Variants in CTCFL observed in about 807,000 individuals in gnomAD.
CTCFL encodes CCCTC-binding factor like.
A neutral mutation model predicts 67.4 loss-of-function variants in CTCFL; 36 were observed. The observed-to-expected ratio is 0.53, with a 90% CI of 0.41 to 0.71. The LOEUF (loss-of-function observed/expected upper bound fraction) is 0.71. CTCFL is among the 30% of genes least tolerant of loss of function. The pLI, the probability that CTCFL is intolerant of heterozygous loss-of-function variation, is 0.00. For synonymous variants in CTCFL, 324 were observed against 302.3 expected, an observed-to-expected ratio of 1.07 and a Z score of -0.75; for missense variants, 786 against 835.2, an observed-to-expected ratio of 0.94 and a Z score of 0.73.
intron 3 of CTCFL, 33 bp from the exon 4 acceptor site, chr20:57,519,410 GA>G (rs751104402): frequency 3.4e-5 from 54 of 1,589,178 alleles, no homozygotes; most frequent in Non-Finnish European, 4.3e-6. Flanking sequence ...GTATTTGTTA[GA>G]GGTTCAAATT....
intron 5 of CTCFL, among the ~76,000 whole-genome samples, chr20:57,517,577 C>A (rs1479494693): frequency 6.6e-6 from 1 of 152,012 alleles, no homozygotes; most frequent in African/African-American, 2.4e-5. Context: ...CGCGCCCGGC[C>A]AATTCAAAAG....
intron 5 of CTCFL, 110 bp from the exon 6 acceptor site, chr20:57,515,944 A>C (rs1367858001): frequency 8.2e-7 from 1 of 1,215,544 alleles, no homozygotes; most frequent in Non-Finnish European, 1.1e-6. Context: ...TTAACATCAG[A>C]GCACCAGAGC....
chr20:57,512,539 C>A, intron 8 of CTCFL, 53 bp downstream of exon 8: 2 of 1,563,406 alleles, frequency 1.3e-6, no homozygotes, highest in Non-Finnish European at 1.8e-6. Flanking sequence ...TCCCACCCAG[C>A]CCTCCATTCT....
chr20:57,518,609 A>T (rs2146418526), intron 5 of CTCFL, 149 bp downstream of exon 5: 1 of 1,528,184 alleles, frequency 6.5e-7, no homozygotes, highest in Middle Eastern at 1.8e-4. Context: ...ACTTCATAAA[A>T]GAGAATGCAT....
chr20:57,510,310 C>T (rs1294980043), intron 8 of CTCFL, among the ~76,000 whole-genome samples: 1 of 152,060 alleles, frequency 6.6e-6, no homozygotes, highest in Non-Finnish European at 1.5e-5. Flanking sequence ...AGAAAGCAAA[C>T]CTGGGGAATT....
chr20:57,501,729 C>T (rs776822692), intron 10 of CTCFL, among the ~76,000 whole-genome samples: 3 of 152,042 alleles, frequency 2.0e-5, no homozygotes. Context: ...ACAGGAATGC[C>T]GGGGCAGCGG....
At chr20:57,508,190 G>C (rs1361849532) in intron 9 of CTCFL, among the ~76,000 whole-genome samples, 1 of 152,108 alleles carries the variant, frequency 6.6e-6, no homozygotes, top group Non-Finnish European at 1.5e-5. Context: ...TCCCACCTTG[G>C]CCTCTCAAGT....
intron 9 of CTCFL, among the ~76,000 whole-genome samples, chr20:57,505,552 G>A (rs1330897005): frequency 2.6e-5 from 4 of 152,172 alleles, no homozygotes; most frequent in Admixed American, 1.3e-4. Context: ...CACCGCGCCC[G>A]GCCTTAAAAT....
At chr20:57,522,960 T>C (rs2069498549) in intron 3 of CTCFL, 108 bp downstream of exon 3, 3 of 850,816 alleles carry the variant, frequency 3.5e-6, no homozygotes, top group Non-Finnish European at 5.6e-6. Context: ...TCCTGACATT[T>C]TGAAAGTAAA....
At chr20:57,503,328 A>G (rs1600638850) in intron 10 of CTCFL, 108 bp downstream of exon 10, 2 of 1,328,386 alleles carry the variant, frequency 1.5e-6, no homozygotes, top group East Asian at 2.3e-5. Context: ...ACTGGTGGAC[A>G]AATAGGGGCT....
rs745657440 is a variant in CTCFL at position 57,514,613 on chromosome 20, T to C, written c.1309A>G (p.Ile437Val). The C allele has an allele frequency of 3.7e-6, 6 of 1,614,150 alleles. No individual in the cohort carries two copies. The highest frequency in any genetic ancestry group is 5.1e-6 in the Non-Finnish European group (6 of 1,180,014). ...KYQCPHCATI[I>V]ARKSDLRVHM... ...TCACGTAGGTCGCTTTTCCGTGCAA[T>C]GATGGTGGCACAATGGGGACACTGG... The change falls in exon 7 of 11, where the codon ATT becomes GTT. Residue 437 changes from isoleucine (I) to valine (V), a missense_variant. Coordinates refer to ENST00000243914, the MANE Select transcript of CTCFL (RefSeq NM_001386993.1).
chr20:57,523,185 C>T lies in CTCFL; in HGVS notation c.637G>A (p.Asp213Asn). 6.2e-7 allele frequency: 1 copy of T among 1,614,002 alleles called. No homozygotes were observed. Among genetic ancestry groups the T allele is most frequent in the Non-Finnish European group, 8.5e-7 (1 of 1,179,984 alleles). ...TTTGAAACTGTGAGAACAATTTCGT[C>T]ACTTCTTTCATCTCCTGACATTGTT... Reference protein sequence around the residue: ...VETMSGDERSDEIVLTVSNSN... With the variant: ...VETMSGDERSNEIVLTVSNSN... Residue 213 changes from aspartate to asparagine, a missense_variant, in exon 3 of 11, where the codon GAC becomes AAC. Asp to Asn is a conservative substitution (Grantham distance 23). Around this residue, in one of 3 missense-constraint regions of CTCFL, gnomAD observed 333 missense variants for 304.6 expected, o/e 1.09. Transcript: ENST00000243914.
At chr20:57,497,137 T>G, downstream of CTCFL, 1 of 591,510 alleles carries the variant, frequency 1.7e-6, no homozygotes, top group Non-Finnish European at 2.1e-6. Flanking sequence ...AAGATGTTTT[T>G]AAAGACCAAT....
At chr20:57,509,836 G>A (rs1332732747) in intron 8 of CTCFL, among the ~76,000 whole-genome samples, 1 of 152,084 alleles carries the variant, frequency 6.6e-6, no homozygotes, top group Non-Finnish European at 1.5e-5. Flanking sequence ...GGCGCTCCCT[G>A]CTGGGAGCCT....
downstream of CTCFL, chr20:57,496,360 C>A (rs62204255): frequency 0.1 from 62,592 of 622,496 alleles, 3,938 homozygotes; most frequent in South Asian, 0.19. Context: ...GTACAGCCTG[C>A]GGAACTATGA....
At chr20:57,512,534 C>T (rs1415794254) in intron 8 of CTCFL, 58 bp downstream of exon 8, 2 of 1,554,664 alleles carry the variant, frequency 1.3e-6, no homozygotes, top group Non-Finnish European at 1.8e-6. Context: ...GAGAATCCCA[C>T]CCAGCCCTCC....
Position 57,513,660 on chromosome 20 carries a change from A to G in CTCFL, c.1331-908T>C. On this transcript the variant is annotated intron_variant, in intron 7 of 10. Transcript: ENST00000243914. ...TGATGTGCTGGTATCTACGGCAACAATGACAGAATGGTCCAGATGAAAAAT... is the reference window on the plus strand; with the variant it reads ...TGATGTGCTGGTATCTACGGCAACAGTGACAGAATGGTCCAGATGAAAAAT... The G allele has an allele frequency of 4.2e-6, 5 of 1,181,958 alleles. No individual in the cohort carries two copies. In the South Asian group the frequency reaches 8.1e-5, roughly 19 times the overall value. The allele number at this position is 1,181,958 out of a possible 1,614,324, so 73.2% of individuals were successfully genotyped here.
chr20:57,505,665 G>C (rs1600644624), intron 9 of CTCFL, among the ~76,000 whole-genome samples: 1 of 152,134 alleles, frequency 6.6e-6, no homozygotes. Flanking sequence ...ATACCATAAA[G>C]ATTTTACTTT....
Position 57,514,646 on chromosome 20 carries a change from G to C in CTCFL, c.1276C>G (p.Pro426Ala), listed in dbSNP as rs368185852. 41 of 1,614,018 alleles carry C rather than the reference G, an allele frequency of 2.5e-5. No homozygotes were observed. Among genetic ancestry groups the C allele is most frequent in the Non-Finnish European group, 3.4e-5 (40 of 1,180,030 alleles). The change falls in exon 7 of 11, where the codon CCC becomes GCC. Residue 426 changes from proline to alanine, a missense_variant. Pro to Ala is a conservative substitution (Grantham distance 27). Around this residue, in one of 3 missense-constraint regions of CTCFL, gnomAD observed 254 missense variants for 333.9 expected, o/e 0.76. Coordinates refer to ENST00000243914, the MANE Select transcript of CTCFL (RefSeq NM_001386993.1). ...GCACAATGGGGACACTGGTATTTGG[G>C]GACATTTTCGCCGTGTTTCTGCAGA... The part of the protein sequence containing the change: ...HILQKHGENV[P>A]KYQCPHCATI...
Sources: gnomAD v4.1 joint callset for allele counts (sites outside exome capture counted in the v4.1 genomes callset) on GRCh38, gnomAD v4.1.1 for gene constraint, gnomAD v4.1.1 regional missense constraint, MANE v1.5 for transcripts, NCBI Gene and HGNC (gene_info 2026-07-23, HGNC 2026-07-21) for gene names.